SAMD5: variants seen among roughly 807,000 people sequenced by gnomAD.
The protein encoded by SAMD5 is sterile alpha motif domain-containing protein 5.
Under a neutral mutation model 11.3 loss-of-function variants are expected in SAMD5, and 13 were observed. That is an observed-to-expected ratio of 1.15 (90% CI 0.75 to 1.83). The LOEUF (loss-of-function observed/expected upper bound fraction) is 1.83, where lower values mean the gene tolerates loss of function less well. Among genes scored for constraint, SAMD5 ranks in the 40% most tolerant of loss-of-function variants. SAMD5 has a pLI of 0.00. For synonymous variants in SAMD5, 129 were observed against 111.3 expected (o/e 1.16, Z -1.00); for missense variants, 255 against 239.1 (o/e 1.07, Z -0.44).
At chr6:147,543,467 GT>G (rs1161794598) in intron 1 of SAMD5, among the ~76,000 whole-genome samples, 1 of 152,058 alleles carries the variant, frequency 6.6e-6, no homozygotes, top group Non-Finnish European at 1.5e-5. Context: ...GTGTTTGTGT[GT>G]TTGATTTATT....
chr6:147,563,937 G>T (rs1788994280), intron 1 of SAMD5, among the ~76,000 whole-genome samples: 1 of 152,222 alleles, frequency 6.6e-6, no homozygotes, highest in African/African-American at 2.4e-5. Context: ...ACTAGCACTT[G>T]CAGCTACAAG....
chr6:147,788,795 A>G, the SAMD5 span, among the ~76,000 whole-genome samples: 1 of 152,202 alleles, frequency 6.6e-6, no homozygotes, highest in African/African-American at 2.4e-5. Flanking sequence ...ATTAAAAACC[A>G]CCACCAGGAC....
the SAMD5 span, among the ~76,000 whole-genome samples, chr6:147,788,313 T>C: frequency 6.6e-6 from 1 of 152,222 alleles, no homozygotes; most frequent in African/African-American, 2.4e-5. Flanking sequence ...TTTATACCAC[T>C]AATAAATGTA....
chr6:147,671,101 G>C (rs1474164397), intron 1 of SAMD5, among the ~76,000 whole-genome samples: 1 of 152,200 alleles, frequency 6.6e-6, no homozygotes, highest in African/African-American at 2.4e-5. Context: ...AGAGGCTTAA[G>C]AAGGGCAAGA....
At chr6:147,907,808 A>AT in the SAMD5 span, among the ~76,000 whole-genome samples, 1 of 152,034 alleles carries the variant, frequency 6.6e-6, no homozygotes, top group Non-Finnish European at 1.5e-5. Flanking sequence ...TGCACAGTTC[A>AT]TTTTTCAGTT....
At chr6:147,880,462 C>T in the SAMD5 span, among the ~76,000 whole-genome samples, 19 of 152,282 alleles carry the variant, frequency 1.2e-4, no homozygotes, top group East Asian at 2.9e-3. Context: ...ATCTGATAAA[C>T]TCCTTCACAC....
chr6:147,700,001 A>G (rs1003233837), intron 1 of SAMD5, among the ~76,000 whole-genome samples: 2 of 152,226 alleles, frequency 1.3e-5, no homozygotes, highest in African/African-American at 2.4e-5. Flanking sequence ...TTCCAAGTTC[A>G]GTGCCAAATG....
intron 1 of SAMD5, among the ~76,000 whole-genome samples, chr6:147,618,325 G>A (rs1384435047): frequency 6.6e-6 from 1 of 152,148 alleles, no homozygotes; most frequent in Non-Finnish European, 1.5e-5. Context: ...CCAAAAGGTG[G>A]ACAGGCAGCT....
chr6:147,726,369 A>G (rs1398615019), intron 1 of SAMD5, among the ~76,000 whole-genome samples: 1 of 152,238 alleles, frequency 6.6e-6, no homozygotes, highest in African/African-American at 2.4e-5. Context: ...ATTTACGTAT[A>G]TTATTTTATT....
the SAMD5 span, among the ~76,000 whole-genome samples, chr6:147,809,488 A>G: frequency 1.8e-4 from 27 of 152,214 alleles, no homozygotes; most frequent in Non-Finnish European, 3.7e-4. Context: ...AAGAAAAAAA[A>G]AACTCAGGGA....
chr6:147,690,162 A>G (rs1323686390), intron 1 of SAMD5, among the ~76,000 whole-genome samples: 1 of 152,214 alleles, frequency 6.6e-6, no homozygotes, highest in African/African-American at 2.4e-5. Context: ...GATTACAAGG[A>G]AAATTAGGAT....
At chr6:147,870,444 G>C in the SAMD5 span, among the ~76,000 whole-genome samples, 1 of 113,396 alleles carries the variant, frequency 8.8e-6, no homozygotes, top group Non-Finnish European at 1.9e-5. Context: ...GTGTGTGTGT[G>C]TGTGAGTGTG....
At chr6:147,665,990 G>A (rs1189544193) in intron 1 of SAMD5, among the ~76,000 whole-genome samples, 3 of 152,224 alleles carry the variant, frequency 2.0e-5, no homozygotes, top group Non-Finnish European at 4.4e-5. Context: ...CCCGGTTGGA[G>A]TGCAGTGGCG....
chr6:147,951,342 C>T, the SAMD5 span, among the ~76,000 whole-genome samples: 3 of 151,908 alleles, frequency 2.0e-5, no homozygotes, highest in Non-Finnish European at 4.4e-5. Flanking sequence ...CCAACACGCC[C>T]GGCTAATTTT....
At chr6:147,842,630 G>A in the SAMD5 span, among the ~76,000 whole-genome samples, 9 of 152,094 alleles carry the variant, frequency 5.9e-5, no homozygotes, top group East Asian at 3.9e-4. Flanking sequence ...AAAAAAATGC[G>A]TCTTTATTTT....
At chr6:147,806,249 G>A in the SAMD5 span, among the ~76,000 whole-genome samples, 1 of 152,166 alleles carries the variant, frequency 6.6e-6, no homozygotes, top group Non-Finnish European at 1.5e-5. Flanking sequence ...TAATCTATGC[G>A]GCTACATCAA....
At chr6:147,795,177 C>G in the SAMD5 span, among the ~76,000 whole-genome samples, 36 of 143,706 alleles carry the variant, frequency 2.5e-4, no homozygotes, top group South Asian at 4.6e-4. Context: ...AACTCGTCAT[C>G]TAGCATTAGG....
the SAMD5 span, among the ~76,000 whole-genome samples, chr6:147,905,401 G>A: frequency 6.6e-6 from 1 of 151,946 alleles, no homozygotes; most frequent in Non-Finnish European, 1.5e-5. Flanking sequence ...GGCTGGGCTC[G>A]AGCTCCTGAG....
At chr6:147,645,024 A>G (rs1430547106) in intron 1 of SAMD5, among the ~76,000 whole-genome samples, 1 of 152,196 alleles carries the variant, frequency 6.6e-6, no homozygotes, top group African/African-American at 2.4e-5. Context: ...CTCTGAAAAG[A>G]CACTACAAAA....
Sources: gnomAD v4.1 joint callset for allele counts (sites outside exome capture counted in the v4.1 genomes callset) on GRCh38, gnomAD v4.1.1 for gene constraint, MANE v1.5 for transcripts, NCBI Gene and HGNC (gene_info 2026-07-23, HGNC 2026-07-21) for gene names.